The following ATP11B variants were observed in gnomAD, a reference collection of about 807,000 sequenced individuals.
ATP11B encodes phospholipid-transporting ATPase IF.
ATP11B carries 81 observed loss-of-function variants against 157.8 expected under a neutral mutation model. The ratio of observed to expected loss-of-function variants is 0.51; its 90% CI spans 0.43 to 0.62. The LOEUF (loss-of-function observed/expected upper bound fraction) is 0.62, where lower values mean the gene tolerates loss of function less well. ATP11B is among the 20% of genes least tolerant of loss of function. The pLI is 0.00. For synonymous variants in ATP11B, 451 were observed against 469.4 expected (o/e 0.96, Z 0.51); for missense variants, 1,165 against 1,402.2 (o/e 0.83, Z 2.70).
chr3:182,834,412 A>G (rs1718383673), intron 4 of ATP11B, among the ~76,000 whole-genome samples: 1 of 152,106 alleles, frequency 6.6e-6, no homozygotes, highest in South Asian at 2.1e-4. Context: ...TAAGTCTTAG[A>G]CTCCTAACTC....
intron 1 of ATP11B, among the ~76,000 whole-genome samples, chr3:182,799,513 G>C (rs527804462): frequency 3.2e-4 from 49 of 151,992 alleles, no homozygotes; most frequent in African/African-American, 1.1e-3. Flanking sequence ...CTGACCTCAT[G>C]ATCCGCCCGC....
chr3:182,900,171 A>G (rs1723855098), intron 28 of ATP11B, among the ~76,000 whole-genome samples: 1 of 152,196 alleles, frequency 6.6e-6, no homozygotes, highest in African/African-American at 2.4e-5. Flanking sequence ...AATCCTAGCC[A>G]ATATACACAT....
chr3:182,880,813 A>G, intron 20 of ATP11B, 66 bp from the exon 21 acceptor site: 1 of 943,692 alleles, frequency 1.1e-6, no homozygotes, highest in Non-Finnish European at 1.6e-6. Context: ...ATTTCAGATA[A>G]ATGACTATAT....
intron 2 of ATP11B, among the ~76,000 whole-genome samples, chr3:182,821,140 C>A (rs143358958): frequency 8.5e-4 from 130 of 152,150 alleles, no homozygotes; most frequent in Non-Finnish European, 1.4e-3. Flanking sequence ...GACAGAGTCT[C>A]GCTGTGTCAC....
chr3:182,889,499 G>C lies in ATP11B; in HGVS notation c.2933G>C (p.Gly978Ala). 1 of 1,570,418 alleles carries C rather than the reference G, an allele frequency of 6.4e-7. No individual in the cohort carries two copies. Among genetic ancestry groups the C allele is most frequent in the African/African-American group, 1.4e-5 (1 of 71,630 alleles). The change falls in exon 25 of 30, where the codon GGA becomes GCA. Residue 978 changes from glycine (G) to alanine (A), a missense_variant. Transcript: ENST00000323116. ...GFSHAFIFFF[G>A]SYLLIGKDTS... ...AGTCATGCCTTTATTTTCTTTTTTG[G>C]ATCCTATTTACTAATAGGGAAAGAT...
chr3:182,880,162 A>G (rs1479411651), intron 20 of ATP11B, among the ~76,000 whole-genome samples: 2 of 152,240 alleles, frequency 1.3e-5, no homozygotes, highest in East Asian at 3.8e-4. Flanking sequence ...GTGAAAGCCT[A>G]TATAAACATT....
chr3:182,806,452 A>G (rs1716336112), intron 1 of ATP11B, among the ~76,000 whole-genome samples: 1 of 152,058 alleles, frequency 6.6e-6, no homozygotes, highest in South Asian at 2.1e-4. Flanking sequence ...CTCAGCCTTT[A>G]GTTTTCTCAT....
chr3:182,894,378 G>T (rs904688150), intron 25 of ATP11B, among the ~76,000 whole-genome samples: 2 of 152,154 alleles, frequency 1.3e-5, no homozygotes, highest in South Asian at 2.1e-4. Flanking sequence ...TAGAGACAGG[G>T]TTTCTCTATG....
chr3:182,843,550 T>G (rs1719222118), intron 8 of ATP11B: 1 of 152,254 alleles, frequency 6.6e-6, no homozygotes, highest in East Asian at 1.9e-4. Flanking sequence ...TTTCTGATTT[T>G]TATTTTTCTT....
intron 26 of ATP11B, 31 bp downstream of exon 26, chr3:182,896,796 A>G (rs1174711566): frequency 1.9e-6 from 3 of 1,544,226 alleles, no homozygotes; most frequent in East Asian, 2.3e-5. Context: ...ATGTGGACAC[A>G]TTTTGCAACT....
chr3:182,920,913 A>G lies in ATP11B; in HGVS notation c.*2809A>G, dbSNP rs534354777. 2.5e-4 allele frequency: 38 copies of G among 152,276 alleles called. No individual in the cohort carries two copies. Among genetic ancestry groups the G allele is most frequent in the African/African-American group, 8.4e-4 (35 of 41,462 alleles). 9.4% of individuals were successfully genotyped at this position (152,276 alleles called of 1,614,324 possible). ...CAGACCTGAGCCACACCCAGGCCCTATCCTGAACAGGAGACTAAACAGAGG... is the reference window on the plus strand; with the variant it reads ...CAGACCTGAGCCACACCCAGGCCCTGTCCTGAACAGGAGACTAAACAGAGG... On this transcript the variant is annotated 3_prime_UTR_variant, in exon 30 of 30. Coordinates refer to ENST00000323116, the MANE Select transcript of ATP11B (RefSeq NM_014616.3).
Position 182,898,616 on chromosome 3 carries a change from G to T in ATP11B, c.3162G>T (p.Leu1054Phe). The T allele has an allele frequency of 6.3e-7, 1 of 1,586,070 alleles. No individual in the cohort carries two copies. The highest frequency in any genetic ancestry group is 8.6e-7 in the Non-Finnish European group (1 of 1,168,220). Residue 1054 changes from leucine to phenylalanine, a missense_variant, in exon 28 of 30, where the codon TTG becomes TTT. Transcript: ENST00000323116. ...LFYGGILWPF[L>F]GSQNMYFVFI... ...TTTTCTTTCTTTGCAGGCCATTTTT[G>T]GGCTCCCAGAATATGTATTTTGTGT... is the stretch of plus-strand genomic sequence containing the variant.
In ATP11B at chr3:182,829,742, C is replaced by T. The variant is rs749954829; in HGVS notation, c.305C>T (p.Ala102Val). 1 of 1,603,200 alleles carries T rather than the reference C, an allele frequency of 6.2e-7. No individual in the cohort carries two copies. The highest frequency in any genetic ancestry group is 1.7e-5 in the Admixed American group (1 of 58,902). ...LPLFFVITVT[A>V]IKQGYEDWLR... ...TTATTCTTTGTGATAACAGTAACTG[C>T]CATAAAGCAGGTATGAAATACTTTC... Residue 102 changes from alanine to valine, a missense_variant, in exon 4 of 30, where the codon GCC becomes GTC. Physicochemically the swap from Ala to Val is moderately conservative, Grantham distance 64. Transcript: ENST00000323116.
intron 1 of ATP11B, among the ~76,000 whole-genome samples, chr3:182,818,217 C>T (rs917177081): frequency 6.6e-6 from 1 of 152,132 alleles, no homozygotes; most frequent in Non-Finnish European, 1.5e-5. Flanking sequence ...CAGTCTAATG[C>T]TCCAGATACC....
chr3:182,829,841 A>C, intron 4 of ATP11B, 89 bp downstream of exon 4: 2 of 1,409,690 alleles, frequency 1.4e-6, no homozygotes, highest in Non-Finnish European at 1.9e-6. Flanking sequence ...TATTGTTGTG[A>C]AAATAATTTC....
chr3:182,797,549 AATC>A (rs1178866474), intron 1 of ATP11B, among the ~76,000 whole-genome samples: 3 of 152,022 alleles, frequency 2.0e-5, no homozygotes, highest in Non-Finnish European at 4.4e-5. Context: ...CTCTACTAAA[AATC>A]CGAAAATTTG....
intron 12 of ATP11B, among the ~76,000 whole-genome samples, 196 bp downstream of exon 12, chr3:182,859,555 T>C (rs898504820): frequency 3.9e-5 from 6 of 152,164 alleles, no homozygotes; most frequent in African/African-American, 1.4e-4. Context: ...CTATTTGATA[T>C]TCTTTCTTAT....
intron 20 of ATP11B, among the ~76,000 whole-genome samples, chr3:182,880,410 A>G (rs760715286): frequency 1.3e-5 from 2 of 152,330 alleles, no homozygotes; most frequent in Non-Finnish European, 2.9e-5. Flanking sequence ...TTATAAAAGT[A>G]CATTCAAGAA....
chr3:182,871,408 A>C (rs1721646742), intron 17 of ATP11B, among the ~76,000 whole-genome samples: 1 of 152,264 alleles, frequency 6.6e-6, no homozygotes, highest in Non-Finnish European at 1.5e-5. Context: ...AGAGATGAAT[A>C]CTATAAGAAA....
Sources: allele counts gnomAD v4.1 joint callset (sites outside exome capture counted in the v4.1 genomes callset), GRCh38; gene constraint gnomAD v4.1.1; transcripts MANE v1.5; gene names NCBI Gene and HGNC (gene_info 2026-07-23, HGNC 2026-07-21).